IRAG2: variants seen among roughly 807,000 people sequenced by gnomAD.
The protein encoded by IRAG2 is inositol 1,4,5-triphosphate receptor associated 2, also known as lymphoid restricted membrane protein.
Under a neutral mutation model 69.9 loss-of-function variants are expected in IRAG2, and 45 were observed. That is an observed-to-expected ratio of 0.64 (90% CI 0.51 to 0.83). The LOEUF (loss-of-function observed/expected upper bound fraction) is 0.83. Among genes scored for constraint, IRAG2 ranks in the 40% least tolerant of loss-of-function variants. IRAG2 has a pLI of 0.00. For missense variants in IRAG2, 520 were observed against 587.0 expected, an observed-to-expected ratio of 0.89 and a Z score of 1.18; for synonymous variants, 193 against 202.4, an observed-to-expected ratio of 0.95 and a Z score of 0.40.
At chr12:25,091,425 G>A (rs952346006) in intron 14 of IRAG2, among the ~76,000 whole-genome samples, 5 of 152,052 alleles carry the variant, frequency 3.3e-5, no homozygotes, top group East Asian at 1.9e-4. Flanking sequence ...GCATGTGAGC[G>A]GATTGCCTTC....
At position 25,063,834 on chromosome 12, in the gene IRAG2, A is replaced by G; in HGVS notation, c.-207+18A>G. On this transcript the variant is annotated intron_variant, in intron 4 of 21. Transcript: ENST00000556887. ...TCTGCTGGGTAAGCCCCCCTTCTAT[A>G]CCTGCTCAGACACAAGTAGGGGTAG... is the stretch of plus-strand genomic sequence containing the variant. 2.5e-6 allele frequency: 1 copy of G among 398,998 alleles called. No homozygotes were observed. 24.7% of individuals were successfully genotyped at this position (398,998 alleles called of 1,614,324 possible).
chr12:25,053,476 A>G (rs913088193), intron 1 of IRAG2, among the ~76,000 whole-genome samples: 1 of 151,970 alleles, frequency 6.6e-6, no homozygotes, highest in Non-Finnish European at 1.5e-5. Flanking sequence ...CATTCTCTAC[A>G]TACATCTACA....
At chr12:25,038,883 A>T (rs1018309092) in intron 16 of IRAG2, among the ~76,000 whole-genome samples, 2 of 152,172 alleles carry the variant, frequency 1.3e-5, no homozygotes, top group Non-Finnish European at 2.9e-5. Flanking sequence ...ACTGGGTTTT[A>T]TGTTTGACCT....
upstream of IRAG2, among the ~76,000 whole-genome samples, chr12:25,003,150 T>TTATA (rs1944404650): frequency 6.6e-6 from 1 of 152,202 alleles, no homozygotes; most frequent in African/African-American, 2.4e-5. Context: ...CCCCTTCCAA[T>TTATA]TATAGTACAT....
intron 6 of IRAG2, among the ~76,000 whole-genome samples, chr12:25,077,274 TGA>T (rs1565562835): frequency 1.3e-3 from 37 of 29,006 alleles, no homozygotes; most frequent in South Asian, 1.9e-3. Context: ...GAAATATATA[TGA>T]AATATATATG....
At chr12:25,037,846 ATTGACATACAG>A (rs1476284464) in intron 15 of IRAG2, 2 of 396,358 alleles carry the variant, frequency 5.0e-6, no homozygotes, top group African/African-American at 4.1e-5. Flanking sequence ...ATTGGTACTC[ATTGACATACAG>A]TTTTGGCATC....
chr12:25,097,123 T>C, intron 15 of IRAG2, 79 bp downstream of exon 15: 2 of 1,403,828 alleles, frequency 1.4e-6, no homozygotes, highest in Non-Finnish European at 1.9e-6. Context: ...ATTTCTCACT[T>C]CTAGGAATAA....
chr12:25,009,220 G>A, intron 2 of IRAG2, among the ~76,000 whole-genome samples: 1 of 152,128 alleles, frequency 6.6e-6, no homozygotes, highest in East Asian at 1.9e-4. Flanking sequence ...GTGGGAGGAT[G>A]CCTTGAGCCA....
At chr12:25,103,376 G>A (rs7976355) in intron 17 of IRAG2, 28,326 of 155,446 alleles carry the variant, frequency 0.18, 2,724 homozygotes, top group Middle Eastern at 0.25. Context: ...AAGCACAGAA[G>A]CAATGGTAGC....
intron 10 of IRAG2, among the ~76,000 whole-genome samples, chr12:25,085,707 G>A (rs542440572): frequency 2.0e-4 from 28 of 140,748 alleles, no homozygotes; most frequent in African/African-American, 8.8e-4. Context: ...TGGGGACCCC[G>A]CCTTTCTCTA....
intron 6 of IRAG2, among the ~76,000 whole-genome samples, chr12:25,019,827 T>C (rs1235819825): frequency 6.6e-6 from 1 of 152,224 alleles, no homozygotes; most frequent in African/African-American, 2.4e-5. Flanking sequence ...AACTATGTCA[T>C]ATTCATCCTG....
At chr12:24,999,575 G>C (rs73067046), upstream of IRAG2, among the ~76,000 whole-genome samples, 1,430 of 152,274 alleles carry the variant, frequency 9.4e-3, 12 homozygotes, top group Middle Eastern at 0.051. Context: ...TAGCTCACAT[G>C]AATCCAAGTG....
At chr12:25,099,659 A>G (rs1163438393) in intron 15 of IRAG2, among the ~76,000 whole-genome samples, 1 of 152,088 alleles carries the variant, frequency 6.6e-6, no homozygotes, top group Non-Finnish European at 1.5e-5. Context: ...TCAGCGTCCT[A>G]AAGCTCCTCA....
upstream of IRAG2, among the ~76,000 whole-genome samples, chr12:25,051,690 G>A (rs557522824): frequency 2.6e-5 from 4 of 152,148 alleles, no homozygotes; most frequent in Admixed American, 2.6e-4. Flanking sequence ...AATATCAACC[G>A]CCAGCTTTCA....
chr12:25,029,214 A>G (rs1305308932), intron 9 of IRAG2, among the ~76,000 whole-genome samples: 2 of 152,234 alleles, frequency 1.3e-5, no homozygotes, highest in African/African-American at 4.8e-5. Context: ...TTACAGCTGT[A>G]AGCCACCATG....
chr12:25,097,089 G>T, intron 15 of IRAG2, 45 bp downstream of exon 15: 2 of 1,543,896 alleles, frequency 1.3e-6, no homozygotes, highest in South Asian at 1.2e-5. Context: ...TTACAAAAAA[G>T]ATTCACTTTT....
Position 25,077,954 on chromosome 12 carries a change from A to C in IRAG2, c.25-1290A>C, listed in dbSNP as rs1172574999. 2.6e-5 allele frequency among the ~76,000 whole-genome samples: 4 copies of C among 152,190 alleles called. 1 individual carries two copies. The highest frequency in any genetic ancestry group is 5.9e-5 in the Non-Finnish European group (4 of 68,018). ...AAGTCTACATTAAAAATCATCAACCAGTCTAAGACAATAATTGGGAAGTCT... is the reference window on the plus strand; with the variant it reads ...AAGTCTACATTAAAAATCATCAACCCGTCTAAGACAATAATTGGGAAGTCT... On this transcript the variant is annotated intron_variant, in intron 6 of 21. Coordinates refer to ENST00000556887, the MANE Select transcript of IRAG2 (RefSeq NM_001366544.2).
intron 10 of IRAG2, chr12:25,032,037 G>A (rs913696422): frequency 1.0e-5 from 4 of 396,624 alleles, no homozygotes; most frequent in African/African-American, 4.1e-5. Flanking sequence ...ATCGCATGAC[G>A]ATTGGGCATT....
At chr12:25,051,183 A>G (rs1406551604), upstream of IRAG2, among the ~76,000 whole-genome samples, 2 of 152,210 alleles carry the variant, frequency 1.3e-5, no homozygotes, top group African/African-American at 2.4e-5. Flanking sequence ...AGACAACGAT[A>G]AGCTATTGAA....
Sources: gnomAD v4.1 joint callset for allele counts (sites outside exome capture counted in the v4.1 genomes callset) on GRCh38, gnomAD v4.1.1 for gene constraint, MANE v1.5 for transcripts, NCBI Gene and HGNC (gene_info 2026-07-23, HGNC 2026-07-21) for gene names.